ROCK1: variants seen among roughly 807,000 people sequenced by gnomAD.
The protein encoded by ROCK1 is rho-associated protein kinase 1.
ROCK1 carries 36 observed loss-of-function variants against 196.8 expected under a neutral mutation model. The observed-to-expected ratio is 0.18, with a 90% CI of 0.14 to 0.24. The LOEUF is 0.24. Ranked by LOEUF, ROCK1 falls within the 10% of genes least tolerant of loss-of-function variation. ROCK1 has a pLI of 1.00. For missense variants in ROCK1, 920 were observed against 1,562.0 expected (o/e 0.59, Z 6.93); for synonymous variants, 443 against 515.9 (o/e 0.86, Z 1.91).
At chr18:21,033,555 G>A (rs2036028636) in intron 9 of ROCK1, among the ~76,000 whole-genome samples, 2 of 151,898 alleles carry the variant, frequency 1.3e-5, no homozygotes, top group Admixed American at 6.6e-5. Flanking sequence ...CTATTTGCAG[G>A]TGACATGATC....
chr18:20,974,891 G>A (rs1294991927), intron 22 of ROCK1, among the ~76,000 whole-genome samples: 1 of 152,106 alleles, frequency 6.6e-6, no homozygotes, highest in Non-Finnish European at 1.5e-5. Flanking sequence ...TTACACTACT[G>A]TTAAAAAGAA....
At chr18:20,965,954 G>A (rs1438391996) in intron 27 of ROCK1, among the ~76,000 whole-genome samples, 1 of 152,118 alleles carries the variant, frequency 6.6e-6, no homozygotes, top group Non-Finnish European at 1.5e-5. Flanking sequence ...AAAATTTTCT[G>A]AGTGACTCCT....
intron 2 of ROCK1, among the ~76,000 whole-genome samples, chr18:21,054,989 A>G (rs1343013428): frequency 6.6e-6 from 1 of 152,114 alleles, no homozygotes; most frequent in Non-Finnish European, 1.5e-5. Flanking sequence ...CATTGATTCT[A>G]CTACACTCAT....
At position 20,954,962 on chromosome 18, in the gene ROCK1, T is replaced by C. The variant is rs746798144; in HGVS notation, c.3674A>G (p.Asn1225Ser). The C allele has an allele frequency of 2.5e-6, 4 of 1,613,810 alleles. No individual in the cohort carries two copies. Among genetic ancestry groups the C allele is most frequent in the Non-Finnish European group, 3.4e-6 (4 of 1,179,854 alleles). The change falls in exon 31 of 33, where the codon AAT (asparagine) becomes AGT (serine). Residue 1225 changes from asparagine to serine, a missense_variant. By Grantham distance (46) the Asn-to-Ser change is conservative. Coordinates refer to ENST00000399799, the MANE Select transcript of ROCK1 (RefSeq NM_005406.3). The stretch of plus-strand genomic sequence containing the variant: ...AGGAATAAACTCATGGCCTTTGTGA[T>C]TTTGGAAATTAGTTTTTTCAGCTTG... ...VQQAEKTNFQ[N>S]HKGHEFIPTL...
chr18:21,009,182 T>C (rs1413476681), intron 13 of ROCK1, among the ~76,000 whole-genome samples: 4 of 149,046 alleles, frequency 2.7e-5, no homozygotes, highest in African/African-American at 7.4e-5. Context: ...TTTTTTTTTT[T>C]TTTTGTATTT....
At chr18:21,035,618 C>T (rs1180902778) in intron 9 of ROCK1, among the ~76,000 whole-genome samples, 7 of 151,834 alleles carry the variant, frequency 4.6e-5, no homozygotes, top group South Asian at 4.1e-4. Context: ...ATAAAATATC[C>T]GTAATATAAT....
chr18:21,037,878 T>C (rs2036070517), intron 9 of ROCK1, among the ~76,000 whole-genome samples: 1 of 152,150 alleles, frequency 6.6e-6, no homozygotes, highest in Non-Finnish European at 1.5e-5. Flanking sequence ...AGGTGTTCAG[T>C]AAATAGTTGT....
chr18:21,109,908 T>C (rs2036735127), intron 1 of ROCK1, among the ~76,000 whole-genome samples: 1 of 152,158 alleles, frequency 6.6e-6, no homozygotes, highest in African/African-American at 2.4e-5. Context: ...CCTGTCCATA[T>C]ACATGCTCCC....
At chr18:21,017,467 G>A (rs2035873670) in intron 12 of ROCK1, among the ~76,000 whole-genome samples, 1 of 151,498 alleles carries the variant, frequency 6.6e-6, no homozygotes, top group South Asian at 2.1e-4. Context: ...TGGGATTACA[G>A]GCATGAGCCA....
intron 13 of ROCK1, among the ~76,000 whole-genome samples, chr18:21,013,381 G>A (rs1246024906): frequency 1.3e-5 from 2 of 152,184 alleles, no homozygotes; most frequent in East Asian, 3.9e-4. Context: ...CTGCTGGGTG[G>A]AAGCAGGAGT....
chr18:21,045,917 T>C (rs1477540758), intron 4 of ROCK1, among the ~76,000 whole-genome samples: 2 of 137,908 alleles, frequency 1.5e-5, no homozygotes, highest in African/African-American at 2.7e-5. Flanking sequence ...TTTTTTTTTT[T>C]TTTTTTTTTT....
In ROCK1 at chr18:20,947,636, A is replaced by C. The variant is rs187916861; in HGVS notation, c.*3748T>G. On this transcript the variant is annotated 3_prime_UTR_variant, in exon 33 of 33. Transcript: ENST00000399799. ...AGTTAGAGACCACCCTGGGCAACAT[A>C]ATCTCATCGGATTGTCATTATATGA... 2 of 152,324 alleles carry C rather than the reference A, an allele frequency of 1.3e-5. 1 individual carries two copies. The highest frequency in any genetic ancestry group is 1.3e-4 in the Admixed American group (2 of 15,298). The allele number at this position is 152,324 out of a possible 1,614,324, so 9.4% of individuals were successfully genotyped here. A position where few individuals can be genotyped will look rare whatever the true frequency, so the allele number is the denominator to read the frequency against.
intron 9 of ROCK1, among the ~76,000 whole-genome samples, chr18:21,034,553 C>G (rs1397687564): frequency 6.6e-6 from 1 of 152,176 alleles, no homozygotes; most frequent in Non-Finnish European, 1.5e-5. Context: ...AGGGAAAGGA[C>G]AGTCCTTTCA....
intron 1 of ROCK1, among the ~76,000 whole-genome samples, chr18:21,089,027 T>C (rs1452466873): frequency 6.6e-6 from 1 of 152,160 alleles, no homozygotes; most frequent in Non-Finnish European, 1.5e-5. Flanking sequence ...TTATATGTTA[T>C]TATAAATAAC....
At chr18:20,997,739 AAAGC>A in intron 16 of ROCK1, among the ~76,000 whole-genome samples, 1 of 152,344 alleles carries the variant, frequency 6.6e-6, no homozygotes, top group East Asian at 1.9e-4. Flanking sequence ...GTTACTCCAC[AAAGC>A]AAGTCTTGAA....
chr18:21,104,258 T>C (rs2036683888), intron 1 of ROCK1, among the ~76,000 whole-genome samples: 1 of 152,214 alleles, frequency 6.6e-6, no homozygotes, highest in African/African-American at 2.4e-5. Context: ...GAGAATTTAC[T>C]CTTTATTCAA....
At chr18:21,086,535 T>C (rs1383787317) in intron 1 of ROCK1, among the ~76,000 whole-genome samples, 2 of 152,174 alleles carry the variant, frequency 1.3e-5, no homozygotes, top group African/African-American at 4.8e-5. Flanking sequence ...TCCATGGAAC[T>C]ATAACAAAAG....
chr18:20,955,770 A>G (rs1598505667), intron 29 of ROCK1, among the ~76,000 whole-genome samples: 1 of 149,412 alleles, frequency 6.7e-6, no homozygotes, highest in Middle Eastern at 3.4e-3. Context: ...ACTCAACAAG[A>G]AAAAAACAAA....
rs774458258 is a variant in ROCK1 at position 20,966,931 on chromosome 18, T to C, written c.3338A>G (p.Asp1113Gly). Residue 1113 changes from aspartate (D) to glycine (G), a missense_variant, in exon 27 of 33, where the codon GAT becomes GGT. Coordinates refer to ENST00000399799, the MANE Select transcript of ROCK1 (RefSeq NM_005406.3). ...ATTATTCTTACCTGGGAGGTTACCA[T>C]CAGTTTCATCAGCACTAGGAAAACT... Reference protein sequence around the residue: ...VASFPSADETDGNLPESRIEG... With the variant: ...VASFPSADETGGNLPESRIEG... 1 of 1,611,996 alleles carries C rather than the reference T, an allele frequency of 6.2e-7. No homozygotes were observed. Among genetic ancestry groups the C allele is most frequent in the Non-Finnish European group, 8.5e-7 (1 of 1,178,698 alleles).
Sources: gnomAD v4.1 joint callset for allele counts (sites outside exome capture counted in the v4.1 genomes callset) on GRCh38, gnomAD v4.1.1 for gene constraint, MANE v1.5 for transcripts, NCBI Gene and HGNC (gene_info 2026-07-23, HGNC 2026-07-21) for gene names.